PLXDC2: variants seen among roughly 807,000 people sequenced by gnomAD.
PLXDC2 encodes the protein plexin domain-containing protein 2.
A neutral mutation model predicts 68.9 loss-of-function variants in PLXDC2; 40 were observed. The ratio of observed to expected loss-of-function variants is 0.58; its 90% CI spans 0.45 to 0.76. PLXDC2 has a LOEUF of 0.76. Ranked by LOEUF, PLXDC2 falls within the 30% of genes least tolerant of loss-of-function variation. The probability of loss-of-function intolerance (pLI) is 0.00; values close to 1 mark genes in which losing one functional copy is unlikely to be tolerated. For missense variants in PLXDC2, 644 were observed against 661.9 expected (o/e 0.97, Z 0.30); for synonymous variants, 243 against 234.2 (o/e 1.04, Z -0.34).
intron 13 of PLXDC2, among the ~76,000 whole-genome samples, chr10:20,279,062 C>T (rs968712299): frequency 2.0e-5 from 3 of 152,222 alleles, no homozygotes; most frequent in South Asian, 2.1e-4. Context: ...GTTTCATAAG[C>T]TCACGATTGG....
chr10:20,083,347 T>G (rs1836610941), intron 4 of PLXDC2, among the ~76,000 whole-genome samples: 1 of 151,840 alleles, frequency 6.6e-6, no homozygotes, highest in African/African-American at 2.4e-5. Context: ...CGAGGTGGCA[T>G]GCGCCTGTAG....
Position 19,883,884 on chromosome 10 carries a change from C to CTTTTTTTTTTTTTTTTTTTT in PLXDC2, c.112+66701_112+66720dup. Among the ~76,000 whole-genome samples the CTTTTTTTTTTTTTTTTTTTT allele has an allele frequency of 7.3e-3, 402 of 55,100 alleles. 115 individuals are homozygous for CTTTTTTTTTTTTTTTTTTTT. Among genetic ancestry groups the CTTTTTTTTTTTTTTTTTTTT allele is most frequent in the South Asian group, 9.7e-3 (10 of 1,032 alleles). The allele number at this position is 55,100 out of a possible 152,430, so 36.1% of individuals were successfully genotyped here. A position where few individuals can be genotyped will look rare whatever the true frequency, so the allele number is the denominator to read the frequency against. ...ATTACTGTCTCCAGATCCCTTTAAA[C>CTTTTTTTTTTTTTTTTTTTT]TTTTTTTTTTTTTTTTTTTTTTTTT... On this transcript the variant is annotated intron_variant, in intron 1 of 13. Transcript: ENST00000377252.
chr10:19,969,899 T>C (rs1834321617), intron 1 of PLXDC2, among the ~76,000 whole-genome samples: 1 of 152,208 alleles, frequency 6.6e-6, no homozygotes, highest in Non-Finnish European at 1.5e-5. Context: ...TAAAACATAC[T>C]GCATACAATC....
In PLXDC2 at chr10:20,208,901, A is replaced by G. The variant is rs1835029724; in HGVS notation, c.1062-2768A>G. On this transcript the variant is annotated intron_variant, in intron 9 of 13. Transcript: ENST00000377252. Reference sequence around the variant, plus strand: ...CAGGTTGCGTGATGCTCCCCAAGCCATAAAACCAGCAAGTTTTTATTAGTG... The same window carrying G: ...CAGGTTGCGTGATGCTCCCCAAGCCGTAAAACCAGCAAGTTTTTATTAGTG... 3.3e-5 allele frequency among the ~76,000 whole-genome samples: 5 copies of G among 152,238 alleles called. No homozygotes were observed. In the East Asian group the frequency reaches 5.8e-4, roughly 18 times the overall value.
chr10:20,272,795 G>T (rs1174108671), intron 13 of PLXDC2, among the ~76,000 whole-genome samples: 1 of 152,092 alleles, frequency 6.6e-6, no homozygotes, highest in Non-Finnish European at 1.5e-5. Flanking sequence ...GAGTGGGCTC[G>T]CTTACTGTTG....
intron 1 of PLXDC2, among the ~76,000 whole-genome samples, chr10:19,989,755 T>G (rs1589572898): frequency 6.6e-6 from 1 of 150,812 alleles, no homozygotes; most frequent in Admixed American, 6.6e-5. Flanking sequence ...ATGTGAATTT[T>G]TTTTTTTTTT....
chr10:20,159,922 C>G (rs1456317686), intron 6 of PLXDC2, among the ~76,000 whole-genome samples: 1 of 152,080 alleles, frequency 6.6e-6, no homozygotes, highest in Non-Finnish European at 1.5e-5. Flanking sequence ...CCTAGAGATC[C>G]CTGTTCCTCT....
intron 4 of PLXDC2, among the ~76,000 whole-genome samples, chr10:20,099,648 G>A (rs957657885): frequency 2.6e-5 from 4 of 152,156 alleles, no homozygotes; most frequent in Non-Finnish European, 5.9e-5. Flanking sequence ...AATTGTGTGA[G>A]TGAGGGCTTC....
chr10:20,080,732 A>T (rs1281582329), intron 4 of PLXDC2, among the ~76,000 whole-genome samples: 1 of 152,174 alleles, frequency 6.6e-6, no homozygotes, highest in African/African-American at 2.4e-5. Context: ...TCACAGACAC[A>T]GCCAGGAACA....
At chr10:20,020,265 C>G (rs1472827220) in intron 2 of PLXDC2, among the ~76,000 whole-genome samples, 3 of 147,558 alleles carry the variant, frequency 2.0e-5, no homozygotes, top group Non-Finnish European at 4.4e-5. Flanking sequence ...AGCAATCCTC[C>G]TGCCTCAGCC....
chr10:20,232,052 A>G (rs1835372384), intron 12 of PLXDC2, among the ~76,000 whole-genome samples: 1 of 152,154 alleles, frequency 6.6e-6, no homozygotes, highest in African/African-American at 2.4e-5. Context: ...CTCTGTTAGG[A>G]AAATGAAAAG....
chr10:20,001,686 C>A, intron 1 of PLXDC2, 89 bp from the exon 2 acceptor site: 1 of 1,200,958 alleles, frequency 8.3e-7, no homozygotes, highest in Middle Eastern at 2.0e-4. Flanking sequence ...TCGTGCCTCA[C>A]AGAATTCTTT....
chr10:20,118,031 CGTCTCT>C (rs987250042), intron 4 of PLXDC2, among the ~76,000 whole-genome samples: 2 of 151,280 alleles, frequency 1.3e-5, no homozygotes, highest in African/African-American at 2.4e-5. Context: ...TTTCTGTCTC[CGTCTCT>C]ATATATGTAG....
chr10:20,019,473 C>T (rs1336753570), intron 2 of PLXDC2, among the ~76,000 whole-genome samples: 1 of 152,132 alleles, frequency 6.6e-6, no homozygotes, highest in Non-Finnish European at 1.5e-5. Context: ...TGAATTTTAT[C>T]CACTTAAATT....
At chr10:19,909,567 C>G (rs1254549056) in intron 1 of PLXDC2, among the ~76,000 whole-genome samples, 1 of 152,166 alleles carries the variant, frequency 6.6e-6, no homozygotes, top group Non-Finnish European at 1.5e-5. Context: ...CTCTTATTTA[C>G]TCTCTCAATT....
intron 12 of PLXDC2, among the ~76,000 whole-genome samples, chr10:20,230,171 A>T (rs1835342165): frequency 6.6e-6 from 1 of 152,238 alleles, no homozygotes; most frequent in South Asian, 2.1e-4. Context: ...CTTTTAAGAA[A>T]GCCAGATCCA....
At chr10:20,209,412 G>C (rs1207130156) in intron 9 of PLXDC2, among the ~76,000 whole-genome samples, 1 of 151,952 alleles carries the variant, frequency 6.6e-6, no homozygotes, top group Non-Finnish European at 1.5e-5. Context: ...GGGAGGGATA[G>C]CATTAGGAGA....
intron 2 of PLXDC2, among the ~76,000 whole-genome samples, chr10:20,004,562 T>G (rs1834995460): frequency 6.6e-6 from 1 of 152,138 alleles, no homozygotes; most frequent in Admixed American, 6.5e-5. Context: ...ACATCCCTAT[T>G]CGGCTAAAAG....
At chr10:20,062,650 A>G (rs536525302) in intron 3 of PLXDC2, among the ~76,000 whole-genome samples, 1 of 152,276 alleles carries the variant, frequency 6.6e-6, no homozygotes, top group East Asian at 1.9e-4. Context: ...TTTTATGATG[A>G]GTAAAGGAGC....
Sources: gnomAD v4.1 joint callset for allele counts (sites outside exome capture counted in the v4.1 genomes callset) on GRCh38, gnomAD v4.1.1 for gene constraint, MANE v1.5 for transcripts, NCBI Gene and HGNC (gene_info 2026-07-23, HGNC 2026-07-21) for gene names.